Variants in SRRM4 observed in about 807,000 individuals in gnomAD.
SRRM4 encodes serine/arginine repetitive matrix 4, also known as serine/arginine repetitive matrix protein 4.
Under a neutral mutation model 68.9 loss-of-function variants are expected in SRRM4, and 33 were observed. The observed-to-expected ratio is 0.48, with a 90% CI of 0.36 to 0.64. SRRM4 has a LOEUF of 0.64. SRRM4 is among the 30% of genes least tolerant of loss of function. The pLI is 0.00. For synonymous variants in SRRM4, 318 were observed against 318.8 expected, an observed-to-expected ratio of 1.00 and a Z score of 0.03; for missense variants, 817 against 827.1, an observed-to-expected ratio of 0.99 and a Z score of 0.15.
At chr12:119,045,919 T>A (rs928668978) in intron 1 of SRRM4, among the ~76,000 whole-genome samples, 3 of 151,958 alleles carry the variant, frequency 2.0e-5, no homozygotes, top group Non-Finnish European at 4.4e-5. Context: ...GCACCTGTAG[T>A]CCCAGCTACT....
intron 1 of SRRM4, among the ~76,000 whole-genome samples, chr12:119,038,809 G>A (rs992772022): frequency 6.6e-6 from 1 of 152,138 alleles, no homozygotes; most frequent in African/African-American, 2.4e-5. Flanking sequence ...GATCCGACGT[G>A]TTATCAGCTA....
At chr12:119,028,560 C>A (rs183839398) in intron 1 of SRRM4, among the ~76,000 whole-genome samples, 1 of 152,284 alleles carries the variant, frequency 6.6e-6, no homozygotes, top group East Asian at 1.9e-4. Flanking sequence ...GTGCATTAAG[C>A]CTCTTTCTTT....
At chr12:119,038,433 G>A (rs954817520) in intron 1 of SRRM4, among the ~76,000 whole-genome samples, 2 of 151,982 alleles carry the variant, frequency 1.3e-5, no homozygotes, top group East Asian at 1.9e-4. Context: ...GGATGGTCTC[G>A]ATCTCCTGAC....
chr12:119,079,876 T>A (rs1179543402), intron 1 of SRRM4, among the ~76,000 whole-genome samples: 1 of 96,202 alleles, frequency 1.0e-5, no homozygotes, highest in East Asian at 2.4e-4. Flanking sequence ...GTATATGAAA[T>A]GAAATATTCT....
intron 1 of SRRM4, among the ~76,000 whole-genome samples, chr12:119,050,061 G>A (rs1354141553): frequency 6.6e-6 from 1 of 152,134 alleles, no homozygotes; most frequent in Non-Finnish European, 1.5e-5. Flanking sequence ...TGTCATTATT[G>A]TCTTTATGCT....
At chr12:119,115,947 C>T (rs1439848075) in intron 3 of SRRM4, among the ~76,000 whole-genome samples, 1 of 152,058 alleles carries the variant, frequency 6.6e-6, no homozygotes, top group Non-Finnish European at 1.5e-5. Flanking sequence ...GTTTTGGAGG[C>T]TCCTTTAGAA....
chr12:118,995,666 A>G (rs1953344465), intron 1 of SRRM4, among the ~76,000 whole-genome samples: 1 of 152,176 alleles, frequency 6.6e-6, no homozygotes, highest in Admixed American at 6.5e-5. Context: ...GAAATTTGGG[A>G]CTTCTAACTG....
chr12:119,103,768 C>T (rs922263802), intron 2 of SRRM4, among the ~76,000 whole-genome samples: 1 of 152,094 alleles, frequency 6.6e-6, no homozygotes, highest in Non-Finnish European at 1.5e-5. Context: ...TTTGGAAGGC[C>T]GAGGTGGGAG....
At position 119,145,624 on chromosome 12, in the gene SRRM4, C is replaced by T. The variant is rs759794427; in HGVS notation, c.1015C>T (p.Pro339Ser). The stretch of plus-strand genomic sequence containing the variant: ...AGGGAACTCCTTCACCACCTCCTCA[C>T]CCCAGAACAAGGGGGCCATGTTGGA... ...DSGNSFTTSSPQNKGAMLENL... is the reference protein window; with the variant it reads ...DSGNSFTTSSSQNKGAMLENL... Residue 339 changes from proline to serine, a missense_variant, in exon 9 of 13, where the codon CCC becomes TCC. Coordinates refer to ENST00000267260, the MANE Select transcript of SRRM4 (RefSeq NM_194286.4). The T allele has an allele frequency of 6.5e-7, 1 of 1,548,768 alleles. No homozygotes were observed. The highest frequency in any genetic ancestry group is 2.0e-5 in the Admixed American group (1 of 49,784).
intron 3 of SRRM4, 141 bp from the exon 4 acceptor site, chr12:119,116,796 T>C (rs2136049615): frequency 1.7e-6 from 1 of 592,520 alleles, no homozygotes. Context: ...AAATGCAAGC[T>C]AGTATCAGCA....
chr12:119,145,777 CA>C (rs953090170), intron 9 of SRRM4, 92 bp downstream of exon 9: 1 of 1,118,856 alleles, frequency 8.9e-7, no homozygotes, highest in Admixed American at 3.6e-5. Context: ...ACTCCACCCC[CA>C]AGATTATTTT....
At chr12:119,148,958 G>A (rs937757826) in intron 9 of SRRM4, among the ~76,000 whole-genome samples, 14 of 152,148 alleles carry the variant, frequency 9.2e-5, no homozygotes, top group African/African-American at 3.1e-4. Context: ...TGGGAGGGGT[G>A]GGGACTCTGG....
chr12:119,130,350 TGATG>T (rs1266427496), intron 7 of SRRM4, among the ~76,000 whole-genome samples: 2 of 138,196 alleles, frequency 1.4e-5, no homozygotes, highest in East Asian at 2.3e-4. Context: ...TTGGTTGGAT[TGATG>T]GATGGATGAT....
intron 1 of SRRM4, among the ~76,000 whole-genome samples, chr12:119,032,863 TTA>T (rs1953600721): frequency 6.6e-6 from 1 of 152,168 alleles, no homozygotes; most frequent in Non-Finnish European, 1.5e-5. Flanking sequence ...ATATGGTAAT[TTA>T]TGTTTCCCTG....
chr12:119,103,382 G>A (rs1954088274), intron 2 of SRRM4, among the ~76,000 whole-genome samples: 1 of 152,072 alleles, frequency 6.6e-6, no homozygotes, highest in Non-Finnish European at 1.5e-5. Flanking sequence ...TTACCCAATA[G>A]TTATCTTTTC....
intron 1 of SRRM4, among the ~76,000 whole-genome samples, chr12:119,060,736 T>A (rs895511993): frequency 6.6e-6 from 1 of 152,022 alleles, no homozygotes; most frequent in African/African-American, 2.4e-5. Context: ...ATATGCTGGA[T>A]CCTCTGTATT....
intron 1 of SRRM4, among the ~76,000 whole-genome samples, chr12:119,096,190 T>TC (rs776109289): frequency 0.039 from 3,046 of 77,494 alleles, 59 homozygotes; most frequent in Middle Eastern, 0.12. Flanking sequence ...CCAGCTAATT[T>TC]TTTTTTTTTT....
intron 1 of SRRM4, chr12:118,991,908 T>C (rs923040444): frequency 2.6e-5 from 4 of 151,888 alleles, no homozygotes; most frequent in African/African-American, 9.7e-5. Flanking sequence ...TCTACAGAGG[T>C]GTAGTATTAG....
chr12:119,148,145 A>G (rs2555277), intron 9 of SRRM4, among the ~76,000 whole-genome samples: 100,614 of 152,104 alleles, frequency 0.66, 33,892 homozygotes, highest in African/African-American at 0.79. Flanking sequence ...TTTGTTCCAT[A>G]TAGCCAAAAT....
Sources: gnomAD v4.1 joint callset for allele counts (sites outside exome capture counted in the v4.1 genomes callset) on GRCh38, gnomAD v4.1.1 for gene constraint, MANE v1.5 for transcripts, NCBI Gene and HGNC (gene_info 2026-07-23, HGNC 2026-07-21) for gene names.